SMG1: variants seen among roughly 807,000 people sequenced by gnomAD.
SMG1 encodes the protein serine/threonine-protein kinase SMG1.
In SMG1, 22 loss-of-function variants were observed where a neutral mutation model predicts 419.9. That is an observed-to-expected ratio of 0.05 (90% confidence interval 0.04 to 0.07). The LOEUF (loss-of-function observed/expected upper bound fraction) is 0.07, where lower values mean the gene tolerates loss of function less well. SMG1 is among the 10% of genes least tolerant of loss of function. The probability of loss-of-function intolerance (pLI) is 1.00; values close to 1 mark genes in which losing one functional copy is unlikely to be tolerated. For missense variants in SMG1, 3,185 were observed against 4,342.0 expected (o/e 0.73, Z 7.49); for synonymous variants, 1,538 against 1,553.5 (o/e 0.99, Z 0.23).
Position 18,839,804 on chromosome 16 carries a change from A to G in SMG1, c.6839T>C (p.Met2280Thr). 1 of 1,614,014 alleles carries G rather than the reference A, an allele frequency of 6.2e-7. No individual in the cohort carries two copies. The highest frequency in any genetic ancestry group is 8.5e-7 in the Non-Finnish European group (1 of 1,179,894). ...VSRRDWPLHV[M>T]KAVLEELMEA... The stretch of plus-strand genomic sequence containing the variant: ...CATTAACTCTTCCAATACTGCCTTC[A>G]TTACATGAAGAGGCCAATCCCGACG... Residue 2280 changes from methionine (M) to threonine (T), a missense_variant, in exon 42 of 63, where the codon ATG (methionine) becomes ACG (threonine). Physicochemically the swap from Met to Thr is moderately conservative, Grantham distance 81. Transcript: ENST00000446231.
rs1234526532 is a variant in SMG1, at chr16:18,872,502, A to G, written c.2013T>C (p.His671=). The part of the protein sequence containing the change: ...QYAVLYTLYS[H]CTRHDHFISS... Reference sequence around the variant, plus strand: ...ATTTGTAAATACAGTACCTGGTACAATGAGAATACAATGTGTAGAGCACAG... The same window carrying G: ...ATTTGTAAATACAGTACCTGGTACAGTGAGAATACAATGTGTAGAGCACAG... Residue 671 remains histidine, a synonymous_variant, in exon 14 of 63, where the codon CAT becomes CAC. Transcript: ENST00000446231. 1.3e-6 allele frequency: 2 copies of G among 1,541,830 alleles called. No homozygotes were observed. The highest frequency in any genetic ancestry group is 2.3e-5 in the East Asian group (1 of 43,650).
At chr16:18,925,741 G>A (rs1199083561) in intron 1 of SMG1, 7 of 223,254 alleles carry the variant, frequency 3.1e-5, no homozygotes, top group East Asian at 3.1e-4. Flanking sequence ...CTCCAGCCCC[G>A]GGCTGAACAA....
At chr16:18,924,570 T>C (rs532687482) in intron 1 of SMG1, among the ~76,000 whole-genome samples, 13 of 152,146 alleles carry the variant, frequency 8.5e-5, no homozygotes, top group African/African-American at 1.4e-4. Context: ...ATGTCAATCA[T>C]AGAAAAAAAT....
Position 18,811,795 on chromosome 16 carries a change from A to C in SMG1, c.10874T>G (p.Val3625Gly). ...RVKAKLEGRD[V>G]DPNRRMSVAE... ...AACTGACATCCTCCTATTCGGATCA[A>C]CATCTCGGCCCTCTAACTTGGCTTT... Residue 3625 changes from valine (V) to glycine (G), a missense_variant, in exon 62 of 63, where the codon GTT becomes GGT. Transcript: ENST00000446231. The C allele has an allele frequency of 6.2e-7, 1 of 1,613,994 alleles. No individual in the cohort carries two copies. The highest frequency in any genetic ancestry group is 1.1e-5 in the South Asian group (1 of 91,080).
intron 26 of SMG1, among the ~76,000 whole-genome samples, 191 bp downstream of exon 26, chr16:18,860,476 A>T (rs893802649): frequency 6.6e-6 from 1 of 151,796 alleles, no homozygotes; most frequent in African/African-American, 2.4e-5. Flanking sequence ...TTTTTATTTG[A>T]CTTAATTTTA....
At chr16:18,887,781 A>C (rs1348599543) in intron 6 of SMG1, among the ~76,000 whole-genome samples, 1 of 135,524 alleles carries the variant, frequency 7.4e-6, no homozygotes, top group Non-Finnish European at 1.5e-5. Flanking sequence ...AAAAAAAAAA[A>C]AAAAAAAAAA....
Position 18,853,669 on chromosome 16 carries a change from A to C in SMG1, c.4682T>G (p.Leu1561Trp). The C allele has an allele frequency of 6.2e-7, 1 of 1,613,304 alleles. No homozygotes were observed. The highest frequency in any genetic ancestry group is 8.5e-7 in the Non-Finnish European group (1 of 1,179,578). Residue 1561 changes from leucine (L) to tryptophan (W), a missense_variant, in exon 31 of 63, where the codon TTG becomes TGG. By Grantham distance (61) the Leu-to-Trp change is moderately conservative (BLOSUM62 -2). Around this residue, in one of 27 missense-constraint regions of SMG1, gnomAD observed 493 missense variants for 552.9 expected, o/e 0.89. Coordinates refer to ENST00000446231, the MANE Select transcript of SMG1 (RefSeq NM_015092.5). Reference sequence around the variant, plus strand: ...TATTAGAGTGAGTATGTTTTTAGACAAAGTAGAAAGACCTGTGAAGTTCTG... The same window carrying C: ...TATTAGAGTGAGTATGTTTTTAGACCAAGTAGAAAGACCTGTGAAGTTCTG... ...HQQNFTGLST[L>W]SKNILTLIEL...
intron 1 of SMG1, among the ~76,000 whole-genome samples, chr16:18,907,501 A>G (rs1236565866): frequency 6.6e-6 from 1 of 152,024 alleles, no homozygotes; most frequent in African/African-American, 2.4e-5. Context: ...AACTACAGGT[A>G]TGGAGTGGCT....
In SMG1 at chr16:18,870,730, G is replaced by C. The variant is rs2035771996; in HGVS notation, c.2391-19C>G. 6.3e-7 allele frequency: 1 copy of C among 1,589,790 alleles called. No homozygotes were observed. Among genetic ancestry groups the C allele is most frequent in the African/African-American group, 1.3e-5 (1 of 74,538 alleles). On this transcript the variant is annotated intron_variant, in intron 17 of 62. Coordinates refer to ENST00000446231, the MANE Select transcript of SMG1 (RefSeq NM_015092.5). ...GACACATCTATGAAAGAACGAAATA[G>C]ACAAAGCAGGTGTGTTAACATTTCC...
chr16:18,821,235 T>TC lies in SMG1; in HGVS notation c.9742-1582_9742-1581insG, dbSNP rs2032524077. ...TTAGTATGTTTCTTTTTTTTTTTTTTTTTTTCTTTTTTTTTTCTTTTTTTT... is the reference window on the plus strand; with the variant it reads ...TTAGTATGTTTCTTTTTTTTTTTTTTCTTTTTCTTTTTTTTTTCTTTTTTTT... On this transcript the variant is annotated intron_variant, in intron 55 of 62. Coordinates refer to ENST00000446231, the MANE Select transcript of SMG1 (RefSeq NM_015092.5). 5.3e-5 allele frequency among the ~76,000 whole-genome samples: 2 copies of TC among 37,434 alleles called. 1 individual carries two copies. The highest frequency in any genetic ancestry group is 6.6e-4 in the East Asian group (2 of 3,030). The allele number at this position is 37,434 out of a possible 152,430, so 24.6% of individuals were successfully genotyped here.
chr16:18,838,607 A>G lies in SMG1; in HGVS notation c.7028T>C (p.Ile2343Thr), dbSNP rs2033726567. Reference sequence around the variant, plus strand: ...AACAACTTCTCCAGTCGTCATATCTATAAGAACATTATCCAGATGTCTGTC... The same window carrying G: ...AACAACTTCTCCAGTCGTCATATCTGTAAGAACATTATCCAGATGTCTGTC... Reference protein sequence around the residue: ...LGDRHLDNVLIDMTTGEVVHI... With the variant: ...LGDRHLDNVLTDMTTGEVVHI... Residue 2343 changes from isoleucine to threonine, a missense_variant, in exon 43 of 63, where the codon ATA (isoleucine) becomes ACA (threonine). Transcript: ENST00000446231. The G allele has an allele frequency of 5.0e-6, 8 of 1,613,762 alleles. No homozygotes were observed. The highest frequency in any genetic ancestry group is 6.8e-6 in the Non-Finnish European group (8 of 1,179,670).
chr16:18,874,068 C>G (rs1241947724), intron 13 of SMG1, among the ~76,000 whole-genome samples: 2 of 152,192 alleles, frequency 1.3e-5, no homozygotes, highest in Non-Finnish European at 2.9e-5. Context: ...CACATGTAAG[C>G]GCAAACATCA....
At chr16:18,834,519 G>C in intron 49 of SMG1, 81 bp from the exon 50 acceptor site, 1 of 1,342,116 alleles carries the variant, frequency 7.5e-7, no homozygotes, top group Non-Finnish European at 1.0e-6. Context: ...GGCCATGCCT[G>C]TAATTCCAGC....
intron 30 of SMG1, among the ~76,000 whole-genome samples, chr16:18,854,144 T>C (rs950919013): frequency 1.4e-5 from 2 of 137,958 alleles, no homozygotes; most frequent in African/African-American, 5.6e-5. Flanking sequence ...TGGAGTGCAG[T>C]AGCACAATCA....
chr16:18,909,681 C>G (rs2037716571), intron 1 of SMG1, among the ~76,000 whole-genome samples: 1 of 152,198 alleles, frequency 6.6e-6, no homozygotes, highest in South Asian at 2.1e-4. Context: ...AAGGAAGATG[C>G]CTTTCAAGAT....
At chr16:18,860,608 G>T in intron 26 of SMG1, 59 bp downstream of exon 26, 1 of 733,106 alleles carries the variant, frequency 1.4e-6, no homozygotes. Context: ...AATATACTAA[G>T]CCAAACATTT....
At chr16:18,870,556 C>G (rs1196737602) in intron 18 of SMG1, 54 bp downstream of exon 18, 9 of 1,049,000 alleles carry the variant, frequency 8.6e-6, no homozygotes, top group Middle Eastern at 3.0e-4. Flanking sequence ...AGTAGACAAC[C>G]AGTAGAGGCT....
At chr16:18,903,934 CT>C (rs71141091) in intron 1 of SMG1, among the ~76,000 whole-genome samples, 6,260 of 99,540 alleles carry the variant, frequency 0.063, 69 homozygotes, top group African/African-American at 0.095. Flanking sequence ...TATGTCTTGT[CT>C]TTTTTTTTTT....
intron 1 of SMG1, among the ~76,000 whole-genome samples, chr16:18,906,434 GACTGCACC>G (rs975678281): frequency 2.0e-4 from 30 of 152,092 alleles, no homozygotes; most frequent in African/African-American, 7.2e-4. Context: ...AGTGAGCCAA[GACTGCACC>G]ACTGCAATCC....
Sources: gnomAD v4.1 joint callset for allele counts (sites outside exome capture counted in the v4.1 genomes callset) on GRCh38, gnomAD v4.1.1 for gene constraint, gnomAD v4.1.1 regional missense constraint, MANE v1.5 for transcripts, NCBI Gene and HGNC (gene_info 2026-07-23, HGNC 2026-07-21) for gene names.